Variants in SERPINA11 observed in about 807,000 individuals in gnomAD.
SERPINA11 encodes the protein serpin family A member 11, also known as serpin A11.
SERPINA11 carries 28 observed loss-of-function variants against 29.4 expected under a neutral mutation model. That is an observed-to-expected ratio of 0.95 (90% confidence interval 0.70 to 1.30). The LOEUF (loss-of-function observed/expected upper bound fraction) is 1.30, where lower values mean the gene tolerates loss of function less well. SERPINA11 is among the 50% of genes most tolerant of loss of function. The pLI is 0.00. For missense variants in SERPINA11, 530 were observed against 507.3 expected (o/e 1.04, Z -0.43); for synonymous variants, 253 against 206.6 (o/e 1.22, Z -1.92).
Position 94,448,471 on chromosome 14 carries a change from C to T in SERPINA11, c.304G>A (p.Gly102Ser). 2.5e-6 allele frequency: 4 copies of T among 1,614,140 alleles called. No individual in the cohort carries two copies. Among genetic ancestry groups the T allele is most frequent in the Middle Eastern group, 1.6e-4 (1 of 6,062 alleles). Residue 102 changes from glycine (G) to serine (S), a missense_variant, in exon 2 of 5, where the codon GGC becomes AGC. By Grantham distance (56) the Gly-to-Ser change is moderately conservative (BLOSUM62 0). Coordinates refer to ENST00000334708, the MANE Select transcript of SERPINA11 (RefSeq NM_001080451.2). Reference protein sequence around the residue: ...QANTSALILEGLGFNLTETPE... With the variant: ...QANTSALILESLGFNLTETPE... ...GTTTCTGTGAGGTTGAATCCCAGGC[C>T]CTCCAGGATCAGAGCTGAGGTGTTA...
At position 94,445,848 on chromosome 14, in the gene SERPINA11, A is replaced by G. The variant is rs561323047; in HGVS notation, c.917+483T>C. On this transcript the variant is annotated intron_variant, in intron 3 of 4. Transcript: ENST00000334708. Reference sequence around the variant, plus strand: ...CACCTTGGCCTCCCAAAGCACTGGGATTGTAGGTCTGAGCTGCTGCACCCA... The same window carrying G: ...CACCTTGGCCTCCCAAAGCACTGGGGTTGTAGGTCTGAGCTGCTGCACCCA... Among the ~76,000 whole-genome samples the G allele has an allele frequency of 3.9e-5, 6 of 152,148 alleles. No homozygotes were observed. The South Asian group carries it at 1.2e-3, about 32-fold the overall frequency.
rs757708642 is a variant in SERPINA11, at chr14:94,442,708, G to T, written c.1167C>A (p.Asp389Glu). Residue 389 changes from aspartate (D) to glutamate (E), a missense_variant, in exon 5 of 5, where the codon GAC becomes GAA. Transcript: ENST00000334708. Reference sequence around the variant, plus strand: ...AAGGCCTGTTGAAGTGGGCATGTGGGTCTGACATGGTGTTCAGAGATGGGG... The same window carrying T: ...AAGGCCTGTTGAAGTGGGCATGTGGTTCTGACATGGTGTTCAGAGATGGGG... The part of the protein sequence containing the change: ...SQPPSLNTMS[D>E]PHAHFNRPFL... 2 of 1,613,698 alleles carry T rather than the reference G, an allele frequency of 1.2e-6. No individual in the cohort carries two copies. The highest frequency in any genetic ancestry group is 1.3e-5 in the African/African-American group (1 of 75,036).
Position 94,448,490 on chromosome 14 carries a change from G to C in SERPINA11, c.285C>G (p.Thr95=). 1 of 1,614,206 alleles carries C rather than the reference G, an allele frequency of 6.2e-7. No individual in the cohort carries two copies. Among genetic ancestry groups the C allele is most frequent in the African/African-American group, 1.3e-5 (1 of 75,042 alleles). ...ALLSLGAQAN[T]SALILEGLGF... ...CCAGGCCCTCCAGGATCAGAGCTGA[G>C]GTGTTAGCTTGGGCCCCAAGAGAGA... is the stretch of plus-strand genomic sequence containing the variant. Residue 95 remains threonine (T), a synonymous_variant, in exon 2 of 5, where the codon ACC becomes ACG. Transcript: ENST00000334708.
Position 94,442,747 on chromosome 14 carries a change from G to C in SERPINA11, c.1128C>G (p.Gly376=), listed in dbSNP as rs1898366131. ...EKGTEAGAAS[G]LLSQPPSLNT... is the part of the protein sequence containing the mutation. Reference sequence around the variant, plus strand: ...TCAGAGATGGGGGCTGGGAGAGGAGGCCTGAAGCAGCCCCGGCCTCGGTCC... The same window carrying C: ...TCAGAGATGGGGGCTGGGAGAGGAGCCCTGAAGCAGCCCCGGCCTCGGTCC... The change falls in exon 5 of 5, where the codon GGC becomes GGG. Residue 376 remains glycine (G), a synonymous_variant. Coordinates refer to ENST00000334708, the MANE Select transcript of SERPINA11 (RefSeq NM_001080451.2). 1 of 1,613,438 alleles carries C rather than the reference G, an allele frequency of 6.2e-7. No homozygotes were observed. Among genetic ancestry groups the C allele is most frequent in the Admixed American group, 1.7e-5 (1 of 59,986 alleles).
At chr14:94,452,392 A>G (rs867413839) in intron 1 of SERPINA11, among the ~76,000 whole-genome samples, 1 of 152,144 alleles carries the variant, frequency 6.6e-6, no homozygotes, top group South Asian at 2.1e-4. Flanking sequence ...TTGCTGCAGC[A>G]TCATTGTCAT....
chr14:94,446,522 G>A lies in SERPINA11; in HGVS notation c.726C>T (p.Val242=). The part of the protein sequence containing the change: ...FFVDERTSLQ[V]PMMHQKEMHR... ...GCATTTCCTTTTGGTGCATCATGGG[G>A]ACCTGGAGAGAAGTCCTCTCATCCA... Residue 242 remains valine, a synonymous_variant, in exon 3 of 5, where the codon GTC becomes GTT. Coordinates refer to ENST00000334708, the MANE Select transcript of SERPINA11 (RefSeq NM_001080451.2). 39 of 1,614,118 alleles carry A rather than the reference G, an allele frequency of 2.4e-5. No homozygotes were observed. The highest frequency in any genetic ancestry group is 3.3e-5 in the Non-Finnish European group (39 of 1,179,962).
In SERPINA11 at chr14:94,448,597, G is replaced by A. The variant is rs199659692; in HGVS notation, c.178C>T (p.Arg60Cys). The A allele has an allele frequency of 1.1e-5, 17 of 1,613,644 alleles. No individual in the cohort carries two copies. Among genetic ancestry groups the A allele is most frequent in the East Asian group, 2.2e-5 (1 of 44,880 alleles). Residue 60 changes from arginine (R) to cysteine (C), a missense_variant, in exon 2 of 5, where the codon CGT (arginine) becomes TGT (cysteine). Coordinates refer to ENST00000334708, the MANE Select transcript of SERPINA11 (RefSeq NM_001080451.2). ...TCTGCTGCCAGCTCTTTATACAAAC[G>A]CAAAGCAAAATTGGTAATGGTGGGT... ...ITPTITNFAL[R>C]LYKELAADAP... is the part of the protein sequence containing the mutation.
chr14:94,448,241 C>T lies in SERPINA11; in HGVS notation c.534G>A (p.Arg178=), dbSNP rs1399519503. 3.1e-6 allele frequency: 5 copies of T among 1,614,104 alleles called. No individual in the cohort carries two copies. The Admixed American group carries it at 6.7e-5, about 22-fold the overall frequency. Residue 178 remains arginine, a synonymous_variant, in exon 2 of 5, where the codon AGG becomes AGA. Transcript: ENST00000334708. ...ANFTDSVTTG[R]QINDYLRRQT... Reference sequence around the variant, plus strand: ...GCCTTCTCAAATAGTCATTAATCTGCCTCCCAGTTGTAACAGAATCTGTGA... The same window carrying T: ...GCCTTCTCAAATAGTCATTAATCTGTCTCCCAGTTGTAACAGAATCTGTGA...
chr14:94,452,644 C>T (rs950372379), intron 1 of SERPINA11, 85 bp downstream of exon 1: 3 of 134,466 alleles, frequency 2.2e-5, no homozygotes, highest in African/African-American at 5.6e-5. Context: ...CACACACACA[C>T]ACACAGAGAC....
chr14:94,445,191 C>T (rs576371602), intron 3 of SERPINA11, among the ~76,000 whole-genome samples: 2 of 152,288 alleles, frequency 1.3e-5, no homozygotes, highest in Non-Finnish European at 1.5e-5. Context: ...CAGCTGCCAC[C>T]TACTCCAACA....
intron 3 of SERPINA11, among the ~76,000 whole-genome samples, chr14:94,444,631 A>C (rs544074368): frequency 6.6e-6 from 1 of 152,278 alleles, no homozygotes; most frequent in African/African-American, 2.4e-5. Flanking sequence ...GGACAACAGG[A>C]ATAATCTCTT....
intron 1 of SERPINA11, among the ~76,000 whole-genome samples, chr14:94,449,475 T>G (rs56210842): frequency 0.04 from 3,618 of 90,518 alleles, 83 homozygotes; most frequent in East Asian, 0.1. Context: ...CTTTCTTTCT[T>G]TCTTTCTGTC....
chr14:94,443,701 C>T (rs1051705709), intron 3 of SERPINA11, among the ~76,000 whole-genome samples: 6 of 152,180 alleles, frequency 3.9e-5, no homozygotes, highest in Non-Finnish European at 8.8e-5. Flanking sequence ...TGTCTCTCAC[C>T]CATCTCCACT....
intron 3 of SERPINA11, 113 bp from the exon 4 acceptor site, chr14:94,443,338 C>A: frequency 1.0e-6 from 1 of 995,364 alleles, no homozygotes; most frequent in East Asian, 2.6e-5. Flanking sequence ...GCGTGAGAAG[C>A]AACCAGTCTT....
chr14:94,442,967 T>C, intron 4 of SERPINA11, 111 bp downstream of exon 4: 1 of 1,367,922 alleles, frequency 7.3e-7, no homozygotes, highest in South Asian at 1.4e-5. Flanking sequence ...TATTAAATAG[T>C]CTGCACAGGA....
At chr14:94,446,725 G>T in intron 2 of SERPINA11, 121 bp from the exon 3 acceptor site, 1 of 984,648 alleles carries the variant, frequency 1.0e-6, no homozygotes, top group Non-Finnish European at 1.5e-6. Context: ...ATGTGGAATG[G>T]TTACAGAGCC....
chr14:94,442,996 A>G (rs1236020037), intron 4 of SERPINA11, 82 bp downstream of exon 4: 1 of 1,484,296 alleles, frequency 6.7e-7, no homozygotes, highest in African/African-American at 1.4e-5. Flanking sequence ...AAGGAACTTG[A>G]CTTTTAAATG....
At chr14:94,451,315 C>T (rs1428445003) in intron 1 of SERPINA11, among the ~76,000 whole-genome samples, 1 of 152,188 alleles carries the variant, frequency 6.6e-6, no homozygotes, top group Non-Finnish European at 1.5e-5. Flanking sequence ...GTACTGTGGG[C>T]ACGCCCCCAA....
chr14:94,451,684 G>A (rs908259335), intron 1 of SERPINA11, among the ~76,000 whole-genome samples: 37 of 152,160 alleles, frequency 2.4e-4, no homozygotes, highest in Non-Finnish European at 1.0e-4. Flanking sequence ...CTCATACTGT[G>A]CAAAAGCAGC....
Sources: allele counts gnomAD v4.1 joint callset (sites outside exome capture counted in the v4.1 genomes callset), GRCh38; gene constraint gnomAD v4.1.1; transcripts MANE v1.5; gene names NCBI Gene and HGNC (gene_info 2026-07-23, HGNC 2026-07-21).